The following CAMK2D variants were observed in gnomAD, a reference collection of about 807,000 sequenced individuals.
CAMK2D encodes calcium/calmodulin dependent protein kinase II delta.
CAMK2D carries 37 observed loss-of-function variants against 84.0 expected under a neutral mutation model. The ratio of observed to expected loss-of-function variants is 0.44; its 90% CI spans 0.34 to 0.58. CAMK2D has a LOEUF of 0.58. Among genes scored for constraint, CAMK2D ranks in the 20% least tolerant of loss-of-function variants. CAMK2D has a pLI of 0.02. For synonymous variants in CAMK2D, 202 were observed against 212.5 expected (o/e 0.95, Z 0.43); for missense variants, 448 against 652.5 (o/e 0.69, Z 3.41).
chr4:113,639,038 T>C (rs1016372271), intron 3 of CAMK2D, among the ~76,000 whole-genome samples: 1 of 151,392 alleles, frequency 6.6e-6, no homozygotes, highest in South Asian at 2.1e-4. Context: ...AGGCCTGGAA[T>C]TCGAGACCAG....
intron 2 of CAMK2D, among the ~76,000 whole-genome samples, chr4:113,693,678 A>G (rs1307621321): frequency 3.3e-5 from 5 of 152,200 alleles, no homozygotes; most frequent in African/African-American, 1.2e-4. Context: ...CTAATAACTT[A>G]AAAGATCTGC....
chr4:113,692,006 G>A (rs2099388474), intron 2 of CAMK2D, among the ~76,000 whole-genome samples: 1 of 152,184 alleles, frequency 6.6e-6, no homozygotes, highest in Admixed American at 6.5e-5. Flanking sequence ...CCATGAAACA[G>A]TTACGAGCAA....
intron 2 of CAMK2D, among the ~76,000 whole-genome samples, chr4:113,696,231 C>CACAT (rs1491030841): frequency 2.9e-4 from 42 of 142,534 alleles, no homozygotes; most frequent in African/African-American, 1.0e-3. Flanking sequence ...CACACACACA[C>CACAT]ATACACATAT....
chr4:113,496,764 A>G (rs2097939717), intron 16 of CAMK2D, among the ~76,000 whole-genome samples: 1 of 152,138 alleles, frequency 6.6e-6, no homozygotes, highest in Admixed American at 6.6e-5. Context: ...TTTGCTTTTA[A>G]ACTATTAGTA....
At chr4:113,670,599 G>A (rs2099276975) in intron 2 of CAMK2D, among the ~76,000 whole-genome samples, 1 of 152,000 alleles carries the variant, frequency 6.6e-6, no homozygotes, top group African/African-American at 2.4e-5. Context: ...TTTTGCTTGT[G>A]AGAAATTTGC....
intron 16 of CAMK2D, among the ~76,000 whole-genome samples, chr4:113,485,928 C>T (rs969592977): frequency 6.6e-6 from 1 of 152,142 alleles, no homozygotes; most frequent in African/African-American, 2.4e-5. Flanking sequence ...TGTTTCTCCT[C>T]TCGCACCTTC....
chr4:113,530,264 T>C (rs1328725012), intron 8 of CAMK2D, among the ~76,000 whole-genome samples: 1 of 152,230 alleles, frequency 6.6e-6, no homozygotes, highest in African/African-American at 2.4e-5. Flanking sequence ...AATTCATTTA[T>C]GTTTTATACA....
At chr4:113,468,030 A>G (rs2097498538) in intron 16 of CAMK2D, among the ~76,000 whole-genome samples, 1 of 152,040 alleles carries the variant, frequency 6.6e-6, no homozygotes, top group Non-Finnish European at 1.5e-5. Context: ...TGAGCATAAG[A>G]TCAACGTCCT....
At chr4:113,630,423 C>A (rs17630730) in intron 3 of CAMK2D, among the ~76,000 whole-genome samples, 7,162 of 152,158 alleles carry the variant, frequency 0.047, 481 homozygotes, top group African/African-American at 0.14. Context: ...TTGTTGACTG[C>A]AAACACTTGG....
intron 4 of CAMK2D, among the ~76,000 whole-genome samples, chr4:113,556,804 A>G (rs2098667912): frequency 6.6e-6 from 1 of 152,186 alleles, no homozygotes; most frequent in Non-Finnish European, 1.5e-5. Context: ...AAGTAAATCA[A>G]GCCAACCACT....
intron 16 of CAMK2D, among the ~76,000 whole-genome samples, chr4:113,481,138 T>C (rs2097696781): frequency 6.6e-6 from 1 of 152,236 alleles, no homozygotes; most frequent in Admixed American, 6.5e-5. Flanking sequence ...GGTAATTATA[T>C]GTACAAAAAC....
chr4:113,487,418 G>A (rs2097776113), intron 16 of CAMK2D, among the ~76,000 whole-genome samples: 1 of 150,716 alleles, frequency 6.6e-6, no homozygotes, highest in African/African-American at 2.5e-5. Flanking sequence ...CAGCAAAGGA[G>A]ACATTATTTC....
At chr4:113,703,051 G>A (rs978298357) in intron 2 of CAMK2D, among the ~76,000 whole-genome samples, 8 of 152,208 alleles carry the variant, frequency 5.3e-5, no homozygotes, top group East Asian at 1.9e-4. Flanking sequence ...TATACTGGAC[G>A]GCACAGCTAA....
intron 16 of CAMK2D, among the ~76,000 whole-genome samples, chr4:113,484,786 A>G (rs1163546020): frequency 2.0e-5 from 3 of 152,102 alleles, no homozygotes; most frequent in Non-Finnish European, 4.4e-5. Flanking sequence ...ATCCTGAATT[A>G]TGTTTCATCT....
chr4:113,588,767 G>GTAT (rs1486873807), intron 4 of CAMK2D, among the ~76,000 whole-genome samples: 1 of 152,046 alleles, frequency 6.6e-6, no homozygotes, highest in African/African-American at 2.4e-5. Flanking sequence ...TAGACACTGG[G>GTAT]GATAATAGTG....
chr4:113,656,441 C>A (rs1028431935), intron 3 of CAMK2D, among the ~76,000 whole-genome samples: 1 of 152,068 alleles, frequency 6.6e-6, no homozygotes, highest in Non-Finnish European at 1.5e-5. Context: ...ATTCTGATAT[C>A]CTGACTGAAC....
chr4:113,600,925 G>T (rs539066538), intron 4 of CAMK2D, among the ~76,000 whole-genome samples: 13 of 152,264 alleles, frequency 8.5e-5, no homozygotes, highest in African/African-American at 3.1e-4. Context: ...ATGAGCCACA[G>T]AATTAATGTG....
Position 113,532,184 on chromosome 4 carries a change from C to A in CAMK2D, c.518-885G>T, listed in dbSNP as rs2154183738. The stretch of plus-strand genomic sequence containing the variant: ...CAAATTTATACTTATTAAGTACAAA[C>A]AACATGCAAAGAGGTATTAAAAGAC... On this transcript the variant is annotated intron_variant, in intron 7 of 20. Transcript: ENST00000511664. Among the ~76,000 whole-genome samples the A allele has an allele frequency of 2.0e-5, 3 of 152,198 alleles. No individual in the cohort carries two copies. In the Middle Eastern group the frequency reaches 0.01, roughly 518 times the overall value.
chr4:113,461,727 C>T (rs1054830329), intron 17 of CAMK2D, among the ~76,000 whole-genome samples: 4 of 152,094 alleles, frequency 2.6e-5, no homozygotes, highest in Admixed American at 6.6e-5. Flanking sequence ...TATTAATTTG[C>T]CCCAAAGGGT....
Sources: allele counts gnomAD v4.1 joint callset (sites outside exome capture counted in the v4.1 genomes callset), GRCh38; gene constraint gnomAD v4.1.1; transcripts MANE v1.5; gene names NCBI Gene and HGNC (gene_info 2026-07-23, HGNC 2026-07-21).